Variants in PAWR observed in about 807,000 individuals in gnomAD.
PAWR encodes PRKC apoptosis WT1 regulator protein.
PAWR carries 23 observed loss-of-function variants against 32.0 expected under a neutral mutation model. The ratio of observed to expected loss-of-function variants is 0.72; its 90% CI spans 0.52 to 1.02. The LOEUF is 1.02. Ranked by LOEUF, PAWR falls within the 50% of genes least tolerant of loss-of-function variation. PAWR has a pLI of 0.00. For missense variants in PAWR, 457 were observed against 437.7 expected, an observed-to-expected ratio of 1.04 and a Z score of -0.39; for synonymous variants, 226 against 187.1, an observed-to-expected ratio of 1.21 and a Z score of -1.70.
chr12:79,652,375 T>A (rs1487855284), intron 2 of PAWR, among the ~76,000 whole-genome samples: 1 of 152,214 alleles, frequency 6.6e-6, no homozygotes, highest in Non-Finnish European at 1.5e-5. Flanking sequence ...TACTAAGTAA[T>A]ACAAAGATAC....
chr12:79,623,394 T>C (rs901835550), intron 2 of PAWR, among the ~76,000 whole-genome samples: 1 of 152,150 alleles, frequency 6.6e-6, no homozygotes, highest in African/African-American at 2.4e-5. Flanking sequence ...ATTCTGAAAG[T>C]GCTAGTTGAT....
chr12:79,653,081 T>A (rs751337687), intron 2 of PAWR, among the ~76,000 whole-genome samples: 12 of 152,236 alleles, frequency 7.9e-5, no homozygotes, highest in Non-Finnish European at 1.6e-4. Flanking sequence ...CTCGCTGTTG[T>A]TGCCCGGGCT....
chr12:79,653,651 G>A (rs1442626341), intron 2 of PAWR, among the ~76,000 whole-genome samples: 1 of 151,896 alleles, frequency 6.6e-6, no homozygotes, highest in Non-Finnish European at 1.5e-5. Flanking sequence ...GGCTAATTTT[G>A]TACTTTTAGT....
chr12:79,665,835 C>G (rs1179690761), intron 2 of PAWR, among the ~76,000 whole-genome samples: 1 of 152,158 alleles, frequency 6.6e-6, no homozygotes, highest in African/African-American at 2.4e-5. Context: ...AATCAAACTG[C>G]AGCAAAACTC....
At position 79,592,935 on chromosome 12, in the gene PAWR, G is replaced by A. The variant is rs180685250; in HGVS notation, c.937-242C>T. On this transcript the variant is annotated intron_variant, in intron 6 of 6. Transcript: ENST00000328827. ...ATCTTTCAGTTTTTCAAAGGAAGCC[G>A]AAAGTCAGAATTTTAAAATTGTGAA... is the stretch of plus-strand genomic sequence containing the variant. Among the ~76,000 whole-genome samples the A allele has an allele frequency of 1.1e-4, 17 of 152,032 alleles. No individual in the cohort carries two copies. In the East Asian group the frequency reaches 3.3e-3, roughly 29 times the overall value.
chr12:79,629,281 T>A (rs971126087), intron 2 of PAWR, among the ~76,000 whole-genome samples: 1 of 151,916 alleles, frequency 6.6e-6, no homozygotes, highest in African/African-American at 2.4e-5. Flanking sequence ...CACAAATAGG[T>A]TCCAAGTGAA....
At chr12:79,680,133 A>G (rs1328368687) in intron 2 of PAWR, among the ~76,000 whole-genome samples, 2 of 152,236 alleles carry the variant, frequency 1.3e-5, no homozygotes, top group East Asian at 3.9e-4. Flanking sequence ...TGATATGAAC[A>G]CATGTTAGGG....
rs748015036 is a variant in PAWR at position 79,613,534 on chromosome 12, C to T, written c.683+41G>A. 5.5e-6 allele frequency: 6 copies of T among 1,094,998 alleles called. No homozygotes were observed. The African/African-American group carries it at 6.2e-5, about 11-fold the overall frequency. The allele number at this position is 1,094,998 out of a possible 1,614,324, so 67.8% of individuals were successfully genotyped here. A position where few individuals can be genotyped will look rare whatever the true frequency, so the allele number is the denominator to read the frequency against. On this transcript the variant is annotated intron_variant, in intron 4 of 6. Transcript: ENST00000328827. Reference sequence around the variant, plus strand: ...TTAAGTCAATGTCAGACAGACATTACATTCATGTCTACAATATGTTTAAGT... The same window carrying T: ...TTAAGTCAATGTCAGACAGACATTATATTCATGTCTACAATATGTTTAAGT...
rs1394847312 is a variant in PAWR at position 79,690,050 on chromosome 12, A to AGCG, written c.192_194dup (p.Ala66dup). The stretch of plus-strand genomic sequence containing the variant: ...GGAGGTTGTTGTTGAGCTCGTTGGC[A>AGCG]GCGGCGGCCGCCGGGGTGCCCAGAG... On this transcript the variant is annotated inframe_insertion, in exon 2 of 7. Coordinates refer to ENST00000328827, the MANE Select transcript of PAWR (RefSeq NM_002583.4). 5.5e-4 allele frequency: 749 copies of AGCG among 1,358,904 alleles called. 2 individuals carry two copies. In the Middle Eastern group the frequency reaches 9.1e-3, roughly 17 times the overall value. The allele number at this position is 1,358,904 out of a possible 1,614,324, so 84.2% of individuals were successfully genotyped here.
At chr12:79,624,417 G>A (rs939144580) in intron 2 of PAWR, among the ~76,000 whole-genome samples, 1 of 152,138 alleles carries the variant, frequency 6.6e-6, no homozygotes, top group Non-Finnish European at 1.5e-5. Context: ...GAGATGAACT[G>A]GAAGGTGAAC....
intron 2 of PAWR, among the ~76,000 whole-genome samples, chr12:79,687,996 C>CA (rs1264339447): frequency 6.7e-5 from 10 of 149,100 alleles, no homozygotes; most frequent in South Asian, 6.3e-4. Flanking sequence ...ACTCTACAGA[C>CA]AAAAAAAAAG....
intron 3 of PAWR, among the ~76,000 whole-genome samples, chr12:79,617,085 CGGTGG>C (rs1874774577): frequency 6.6e-6 from 1 of 152,038 alleles, no homozygotes; most frequent in Non-Finnish European, 1.5e-5. Flanking sequence ...TGGCAGGGCA[CGGTGG>C]CTCACACCTG....
chr12:79,675,805 G>A (rs1878135261), intron 2 of PAWR, among the ~76,000 whole-genome samples: 2 of 151,936 alleles, frequency 1.3e-5, no homozygotes, highest in African/African-American at 2.4e-5. Context: ...AAAATTATCT[G>A]TACACCAAAC....
intron 2 of PAWR, among the ~76,000 whole-genome samples, chr12:79,646,769 T>C (rs778760646): frequency 2.6e-5 from 4 of 152,244 alleles, no homozygotes; most frequent in South Asian, 2.1e-4. Flanking sequence ...AAATGGTTTA[T>C]GTAGTTACTT....
chr12:79,624,614 A>C (rs1202284516), intron 2 of PAWR, among the ~76,000 whole-genome samples: 1 of 152,178 alleles, frequency 6.6e-6, no homozygotes, highest in Non-Finnish European at 1.5e-5. Context: ...GCTAGCAACC[A>C]GTGCAGTTCT....
At chr12:79,632,105 C>T (rs1284776032) in intron 2 of PAWR, 2 of 138,760 alleles carry the variant, frequency 1.4e-5, no homozygotes, top group African/African-American at 5.7e-5. Flanking sequence ...TGCACTCCAG[C>T]CTGGGTGACA....
chr12:79,598,566 C>T (rs1453470377), intron 4 of PAWR, among the ~76,000 whole-genome samples: 1 of 152,026 alleles, frequency 6.6e-6, no homozygotes, highest in Non-Finnish European at 1.5e-5. Context: ...AAATTGATTC[C>T]TCATCTATGA....
chr12:79,642,416 C>T (rs1876369500), intron 2 of PAWR, among the ~76,000 whole-genome samples: 1 of 152,164 alleles, frequency 6.6e-6, no homozygotes, highest in African/African-American at 2.4e-5. Flanking sequence ...TTAAAAAATA[C>T]CACAGACCAG....
chr12:79,593,754 G>C (rs1873644634), intron 6 of PAWR, among the ~76,000 whole-genome samples: 2 of 145,644 alleles, frequency 1.4e-5, no homozygotes, highest in Non-Finnish European at 3.0e-5. Context: ...CCAGGCTGGA[G>C]TGCAGCAGCG....
Sources: gnomAD v4.1 joint callset for allele counts (sites outside exome capture counted in the v4.1 genomes callset) on GRCh38, gnomAD v4.1.1 for gene constraint, MANE v1.5 for transcripts, NCBI Gene and HGNC (gene_info 2026-07-23, HGNC 2026-07-21) for gene names.